The following RCN1 variants were observed in gnomAD, a reference collection of about 807,000 sequenced individuals.
The protein encoded by RCN1 is reticulocalbin 1.
RCN1 carries 14 observed loss-of-function variants against 34.7 expected under a neutral mutation model. That is an observed-to-expected ratio of 0.40 (90% CI 0.27 to 0.63). The LOEUF (loss-of-function observed/expected upper bound fraction) is 0.63. RCN1 is among the 30% of genes least tolerant of loss of function. The pLI is 0.37. For synonymous variants in RCN1, 125 were observed against 165.5 expected, an observed-to-expected ratio of 0.76 and a Z score of 1.88; for missense variants, 326 against 425.1, an observed-to-expected ratio of 0.77 and a Z score of 2.05.
chr11:32,099,938 T>C (rs1852017414), intron 3 of RCN1, among the ~76,000 whole-genome samples: 1 of 152,212 alleles, frequency 6.6e-6, no homozygotes, highest in African/African-American at 2.4e-5. Flanking sequence ...GGCTCTCTGC[T>C]CTCAGGTTGG....
chr11:32,102,742 G>A (rs1279729043), intron 4 of RCN1: 1 of 309,682 alleles, frequency 3.2e-6, no homozygotes, highest in Non-Finnish European at 6.1e-6. Context: ...GGGTCATTGG[G>A]TAAGACTTTA....
chr11:32,095,701 C>T (rs903253084), intron 1 of RCN1, among the ~76,000 whole-genome samples: 1 of 152,156 alleles, frequency 6.6e-6, no homozygotes, highest in East Asian at 1.9e-4. Context: ...AGCCACCATG[C>T]CCGGCCATTC....
rs1852089733 is a variant in RCN1 at position 32,104,834 on chromosome 11, G to T, written c.*362G>T. The T allele has an allele frequency of 5.1e-6, 1 of 197,866 alleles. No individual in the cohort carries two copies. The highest frequency in any genetic ancestry group is 5.9e-5 in the Admixed American group (1 of 17,010). 12.3% of individuals were successfully genotyped at this position (197,866 alleles called of 1,614,324 possible). A position where few individuals can be genotyped will look rare whatever the true frequency, so the allele number is the denominator to read the frequency against. ...GTTGAGGGAGGCAGTAATATGAAGT[G>T]ACTGCTGTGTATTTTAACTACCAGA... On this transcript the variant is annotated 3_prime_UTR_variant, in exon 6 of 6. Coordinates refer to ENST00000054950, the MANE Select transcript of RCN1 (RefSeq NM_002901.4).
intron 1 of RCN1, among the ~76,000 whole-genome samples, chr11:32,094,389 C>A (rs1851950413): frequency 6.6e-6 from 1 of 152,196 alleles, no homozygotes; most frequent in Non-Finnish European, 1.5e-5. Flanking sequence ...CACATACAGA[C>A]CCCCATATCT....
In RCN1 at chr11:32,091,075, G is replaced by C; in HGVS notation, c.-122G>C. On this transcript the variant is annotated 5_prime_UTR_variant, in exon 1 of 6. Coordinates refer to ENST00000054950, the MANE Select transcript of RCN1 (RefSeq NM_002901.4). Reference sequence around the variant, plus strand: ...CGGGCACTGGCGGAGGGACTGGCCAGTCCCCTCCTCCGCGCCGGCCCCAAC... The same window carrying C: ...CGGGCACTGGCGGAGGGACTGGCCACTCCCCTCCTCCGCGCCGGCCCCAAC... The C allele has an allele frequency of 8.6e-7, 1 of 1,166,838 alleles. No individual in the cohort carries two copies. The allele number at this position is 1,166,838 out of a possible 1,614,324, so 72.3% of individuals were successfully genotyped here. A position where few individuals can be genotyped will look rare whatever the true frequency, so the allele number is the denominator to read the frequency against.
chr11:32,093,489 G>T (rs945843352), intron 1 of RCN1, among the ~76,000 whole-genome samples: 2 of 152,204 alleles, frequency 1.3e-5, no homozygotes, highest in Non-Finnish European at 2.9e-5. Flanking sequence ...AGCCGCCAAG[G>T]CTGCAGGTTA....
chr11:32,101,594 C>T (rs1308951604), intron 4 of RCN1, among the ~76,000 whole-genome samples: 1 of 152,180 alleles, frequency 6.6e-6, no homozygotes, highest in African/African-American at 2.4e-5. Context: ...AGCAGACTTT[C>T]CTCTAATCAT....
chr11:32,103,602 T>C (rs1252692379), intron 5 of RCN1, 122 bp downstream of exon 5: 2 of 849,096 alleles, frequency 2.4e-6, no homozygotes, highest in Non-Finnish European at 3.9e-6. Flanking sequence ...CTTTTCCTTC[T>C]TGTCCTACAG....
At chr11:32,094,697 A>G (rs1393488262) in intron 1 of RCN1, among the ~76,000 whole-genome samples, 1 of 152,220 alleles carries the variant, frequency 6.6e-6, no homozygotes, top group East Asian at 1.9e-4. Flanking sequence ...GAGGAAAAGC[A>G]TGCATTCTCT....
intron 4 of RCN1, chr11:32,102,348 C>T (rs541369290): frequency 1.3e-5 from 2 of 152,130 alleles, no homozygotes; most frequent in Non-Finnish European, 2.9e-5. Flanking sequence ...TTCTCAAAAA[C>T]AATGTAGACA....
chr11:32,104,481 C>T lies in RCN1; in HGVS notation c.*9C>T, dbSNP rs752168391. On this transcript the variant is annotated 3_prime_UTR_variant, in exon 6 of 6. Coordinates refer to ENST00000054950, the MANE Select transcript of RCN1 (RefSeq NM_002901.4). ...ATCATGATGAGCTTTGATAGACACT[C>T]ACCAGAATATGGCAGACTGTCATAG... is the stretch of plus-strand genomic sequence containing the variant. 7.7e-7 allele frequency: 1 copy of T among 1,304,122 alleles called. No individual in the cohort carries two copies. Among genetic ancestry groups the T allele is most frequent in the South Asian group, 1.2e-5 (1 of 83,518 alleles). The allele number at this position is 1,304,122 out of a possible 1,614,324, so 80.8% of individuals were successfully genotyped here.
chr11:32,105,438 C>CT lies in RCN1; in HGVS notation c.*967dup, dbSNP rs1852100371. The CT allele has an allele frequency of 2.0e-5, 3 of 152,314 alleles. No homozygotes were observed. In the South Asian group the frequency reaches 6.2e-4, roughly 32 times the overall value. The allele number at this position is 152,314 out of a possible 1,614,324, so 9.4% of individuals were successfully genotyped here. A position where few individuals can be genotyped will look rare whatever the true frequency, so the allele number is the denominator to read the frequency against. On this transcript the variant is annotated 3_prime_UTR_variant, in exon 6 of 6. Transcript: ENST00000054950. ...CATGGAATGAGGACAAGGTGATACTCTGAGCTGTGGACTGAACTGGCAGAC... is the reference window on the plus strand; with the variant it reads ...CATGGAATGAGGACAAGGTGATACTCTTGAGCTGTGGACTGAACTGGCAGAC...
At chr11:32,098,675 C>T (rs1179175244) in intron 3 of RCN1, 147 bp downstream of exon 3, 3 of 690,866 alleles carry the variant, frequency 4.3e-6, no homozygotes, top group African/African-American at 1.8e-5. Flanking sequence ...CCCCGTCTAC[C>T]CAGAAAATTA....
At chr11:32,095,268 A>G (rs566773427) in intron 1 of RCN1, among the ~76,000 whole-genome samples, 2 of 149,986 alleles carry the variant, frequency 1.3e-5, no homozygotes, top group South Asian at 2.1e-4. Flanking sequence ...TTTTAAAGAC[A>G]GGGTCTTGAT....
intron 1 of RCN1, among the ~76,000 whole-genome samples, chr11:32,094,632 A>G (rs1284712536): frequency 6.6e-6 from 1 of 152,224 alleles, no homozygotes; most frequent in Non-Finnish European, 1.5e-5. Flanking sequence ...AAACACCCGA[A>G]TGGCTACTGT....
At position 32,091,299 on chromosome 11, in the gene RCN1, A is replaced by G; in HGVS notation, c.103A>G (p.Lys35Glu). 1 of 1,546,042 alleles carries G rather than the reference A, an allele frequency of 6.5e-7. No individual in the cohort carries two copies. The highest frequency in any genetic ancestry group is 1.2e-5 in the South Asian group (1 of 83,580). The change falls in exon 1 of 6, where the codon AAA becomes GAA. Residue 35 changes from lysine to glutamate, a missense_variant. Lys to Glu is a moderately conservative substitution (Grantham distance 56). Coordinates refer to ENST00000054950, the MANE Select transcript of RCN1 (RefSeq NM_002901.4). ...TCTGCGGGCCAAGCCCACGGTGCGC[A>G]AAGAGCGCGTGGTGCGGCCCGACTC... ...RVLRAKPTVR[K>E]ERVVRPDSEL...
At chr11:32,100,974 C>CT (rs985649205) in intron 4 of RCN1, among the ~76,000 whole-genome samples, 2 of 152,196 alleles carry the variant, frequency 1.3e-5, no homozygotes, top group Non-Finnish European at 2.9e-5. Flanking sequence ...GGCAAAGCCT[C>CT]TAAAACTGGA....
chr11:32,094,403 T>G (rs931398811), intron 1 of RCN1, among the ~76,000 whole-genome samples: 5 of 152,226 alleles, frequency 3.3e-5, no homozygotes, highest in Non-Finnish European at 7.3e-5. Flanking sequence ...CATATCTGGC[T>G]TCTCTTGACA....
intron 4 of RCN1, chr11:32,102,012 G>A (rs1852049449): frequency 6.6e-6 from 1 of 152,172 alleles, no homozygotes; most frequent in South Asian, 2.1e-4. Flanking sequence ...AGTGAATAGG[G>A]AGAGGGAGGT....
Sources: allele counts gnomAD v4.1 joint callset (sites outside exome capture counted in the v4.1 genomes callset), GRCh38; gene constraint gnomAD v4.1.1; transcripts MANE v1.5; gene names NCBI Gene and HGNC (gene_info 2026-07-23, HGNC 2026-07-21).